TAFA5: variants seen among roughly 807,000 people sequenced by gnomAD.
TAFA5 encodes the protein chemokine-like protein TAFA-5.
TAFA5 carries 6 observed loss-of-function variants against 15.3 expected under a neutral mutation model. The observed-to-expected ratio is 0.39, with a 90% confidence interval of 0.21 to 0.77. TAFA5 has a LOEUF of 0.77. Among genes scored for constraint, TAFA5 ranks in the 30% least tolerant of loss-of-function variants. The pLI, the probability that TAFA5 is intolerant of heterozygous loss-of-function variation, is 0.41. For missense variants in TAFA5, 161 were observed against 193.1 expected (o/e 0.83, Z 0.98); for synonymous variants, 103 against 80.7 (o/e 1.28, Z -1.48).
At chr22:48,604,256 G>A (rs551014610) in intron 1 of TAFA5, among the ~76,000 whole-genome samples, 9 of 152,254 alleles carry the variant, frequency 5.9e-5, no homozygotes, top group African/African-American at 1.4e-4. Flanking sequence ...GCGTTCCTTC[G>A]TTTTAGGATA....
At chr22:48,736,663 G>T (rs980019905) in intron 3 of TAFA5, among the ~76,000 whole-genome samples, 4 of 152,220 alleles carry the variant, frequency 2.6e-5, no homozygotes, top group Non-Finnish European at 5.9e-5. Context: ...CCTTAAAAAG[G>T]AATGGCATTC....
At chr22:48,705,691 T>C (rs922193044) in intron 2 of TAFA5, among the ~76,000 whole-genome samples, 2 of 152,246 alleles carry the variant, frequency 1.3e-5, no homozygotes, top group Non-Finnish European at 2.9e-5. Flanking sequence ...GTCCAAGCGG[T>C]GGCCCTCCTA....
At chr22:48,551,093 C>T (rs1311545786) in intron 1 of TAFA5, among the ~76,000 whole-genome samples, 1 of 151,970 alleles carries the variant, frequency 6.6e-6, no homozygotes, top group Non-Finnish European at 1.5e-5. Context: ...CTCTGGGGCA[C>T]GGGGTGAGGT....
At chr22:48,747,837 C>T (rs927304969) in intron 3 of TAFA5, among the ~76,000 whole-genome samples, 5 of 145,052 alleles carry the variant, frequency 3.4e-5, no homozygotes, top group African/African-American at 5.1e-5. Flanking sequence ...GCAGAGGTTG[C>T]GGTGAGCCGA....
chr22:48,673,734 A>G (rs1927875554), intron 2 of TAFA5, among the ~76,000 whole-genome samples: 1 of 152,142 alleles, frequency 6.6e-6, no homozygotes, highest in Non-Finnish European at 1.5e-5. Context: ...GGGAGGGTGG[A>G]AGGTGAAGGT....
At chr22:48,657,266 A>G (rs1456893278) in intron 2 of TAFA5, among the ~76,000 whole-genome samples, 1 of 152,260 alleles carries the variant, frequency 6.6e-6, no homozygotes. Flanking sequence ...ATGCCAATAC[A>G]GTAGATAGTT....
intron 2 of TAFA5, among the ~76,000 whole-genome samples, chr22:48,662,638 C>T (rs188526989): frequency 6.6e-5 from 10 of 152,312 alleles, no homozygotes; most frequent in East Asian, 3.9e-4. Flanking sequence ...TTCTGCCCCC[C>T]GGCTGGTGCG....
chr22:48,594,849 G>T (rs1924704525), intron 1 of TAFA5, among the ~76,000 whole-genome samples: 1 of 152,018 alleles, frequency 6.6e-6, no homozygotes, highest in Non-Finnish European at 1.5e-5. Flanking sequence ...GGCAAGTGCA[G>T]CTGGAGCTGA....
intron 1 of TAFA5, among the ~76,000 whole-genome samples, chr22:48,500,805 C>A (rs1268999429): frequency 6.6e-6 from 1 of 152,226 alleles, no homozygotes; most frequent in Non-Finnish European, 1.5e-5. Flanking sequence ...ACAGACAGGG[C>A]TGGGGGACTC....
Position 48,571,426 on chromosome 22 carries a change from T to G in TAFA5, c.113-75171T>G, listed in dbSNP as rs12163090. On this transcript the variant is annotated intron_variant, in intron 1 of 3. Transcript: ENST00000402357. Reference sequence around the variant, plus strand: ...AGTACCTGGGATTACAGGCACCCACTACCACGCCCAGCTAATTTTTGTATT... The same window carrying G: ...AGTACCTGGGATTACAGGCACCCACGACCACGCCCAGCTAATTTTTGTATT... Among the ~76,000 whole-genome samples, 163 of 151,558 alleles carry G rather than the reference T, an allele frequency of 1.1e-3. 5 individuals are homozygous for G. In the East Asian group the frequency reaches 0.028, roughly 26 times the overall value.
chr22:48,605,309 ATGG>A (rs371488053), intron 1 of TAFA5, among the ~76,000 whole-genome samples: 18 of 64,698 alleles, frequency 2.8e-4, no homozygotes, highest in Admixed American at 6.9e-4. Flanking sequence ...GATGGTGATG[ATGG>A]TGGTGATGGT....
chr22:48,592,560 G>A (rs1032742895), intron 1 of TAFA5, among the ~76,000 whole-genome samples: 10 of 152,118 alleles, frequency 6.6e-5, no homozygotes, highest in African/African-American at 1.4e-4. Context: ...ACCACGAAAC[G>A]GGTGCTCCGG....
In TAFA5 at chr22:48,750,738, A is replaced by C. The variant is rs1930465125; in HGVS notation, c.*891A>C. Reference sequence around the variant, plus strand: ...GTCTCCCGTGACTGCTGCCTCATCGATACCCCATTTAGCTCCAGAAAGCAA... The same window carrying C: ...GTCTCCCGTGACTGCTGCCTCATCGCTACCCCATTTAGCTCCAGAAAGCAA... On this transcript the variant is annotated 3_prime_UTR_variant, in exon 4 of 4. Transcript: ENST00000402357. The C allele has an allele frequency of 6.5e-6, 1 of 152,988 alleles. No individual in the cohort carries two copies. The highest frequency in any genetic ancestry group is 2.4e-5 in the African/African-American group (1 of 41,456). 9.5% of individuals were successfully genotyped at this position (152,988 alleles called of 1,614,324 possible). A position where few individuals can be genotyped will look rare whatever the true frequency, so the allele number is the denominator to read the frequency against.
rs1017499154 is a variant in TAFA5, at chr22:48,682,019, T to C, written c.263-25698T>C. Among the ~76,000 whole-genome samples the C allele has an allele frequency of 5.1e-5, 3 of 59,154 alleles. 1 individual carries two copies. The highest frequency in any genetic ancestry group is 4.2e-5 in the African/African-American group (1 of 23,604). The allele number at this position is 59,154 out of a possible 152,430, so 38.8% of individuals were successfully genotyped here. The stretch of plus-strand genomic sequence containing the variant: ...TGGAGACTCGGGGCCTCCCAGGGCC[T>C]GAGGCTGCGGCTCCCCAAGGCCGTC... On this transcript the variant is annotated intron_variant, in intron 2 of 3. Transcript: ENST00000402357.
chr22:48,702,272 C>T (rs1039477495), intron 2 of TAFA5, among the ~76,000 whole-genome samples: 13 of 152,064 alleles, frequency 8.5e-5, no homozygotes, highest in Non-Finnish European at 8.8e-5. Flanking sequence ...GGCTGACTGG[C>T]ACCTTAGAGA....
intron 3 of TAFA5, among the ~76,000 whole-genome samples, chr22:48,739,912 G>A (rs1336361382): frequency 2.0e-5 from 3 of 152,170 alleles, no homozygotes; most frequent in Non-Finnish European, 2.9e-5. Context: ...CAATCTGGCC[G>A]TCAGGACGTT....
At position 48,744,211 on chromosome 22, in the gene TAFA5, A is replaced by G. The variant is rs9628531; in HGVS notation, c.391-5628A>G. On this transcript the variant is annotated intron_variant, in intron 3 of 3. Transcript: ENST00000402357. ...TCCATGATGGCCCTTAGTCCCTGAC[A>G]TTTCTTGGTGGGATCAAGGAGACCG... Among the ~76,000 whole-genome samples the G allele has an allele frequency of 8.9e-3, 1,347 of 151,490 alleles. 21 individuals are homozygous for G. Among genetic ancestry groups the G allele is most frequent in the African/African-American group, 0.031 (1,292 of 41,270 alleles).
intron 3 of TAFA5, among the ~76,000 whole-genome samples, chr22:48,715,593 AC>A (rs1225715671): frequency 1.3e-5 from 2 of 152,072 alleles, no homozygotes; most frequent in East Asian, 3.9e-4. Flanking sequence ...TGTGGTTGTG[AC>A]CCCATGTGCT....
chr22:48,537,541 C>G (rs1922211435), intron 1 of TAFA5, among the ~76,000 whole-genome samples: 1 of 152,248 alleles, frequency 6.6e-6, no homozygotes, highest in African/African-American at 2.4e-5. Context: ...CCTCTCAATC[C>G]CAGCCCACAG....
Sources: allele counts gnomAD v4.1 joint callset (sites outside exome capture counted in the v4.1 genomes callset), GRCh38; gene constraint gnomAD v4.1.1; transcripts MANE v1.5; gene names NCBI Gene and HGNC (gene_info 2026-07-23, HGNC 2026-07-21).